Variants in TM2D1 observed in about 807,000 individuals in gnomAD.
TM2D1 encodes TM2 domain containing 1.
Under a neutral mutation model 28.4 loss-of-function variants are expected in TM2D1, and 15 were observed. The ratio of observed to expected loss-of-function variants is 0.53; its 90% CI spans 0.35 to 0.81. The LOEUF is 0.81. Among genes scored for constraint, TM2D1 ranks in the 40% least tolerant of loss-of-function variants. TM2D1 has a pLI of 0.01. For missense variants in TM2D1, 236 were observed against 254.9 expected (o/e 0.93, Z 0.50); for synonymous variants, 93 against 96.2 (o/e 0.97, Z 0.20).
At chr1:61,700,113 C>A in intron 4 of TM2D1, 1 of 1,455,800 alleles carries the variant, frequency 6.9e-7, no homozygotes, top group South Asian at 1.5e-5. Context: ...AATTTGGGTT[C>A]AAATTGAGGT....
Position 61,725,134 on chromosome 1 carries a change from A to G in TM2D1, c.-14T>C. ...GGCGGCCGCCATCTTGGAGACCGAC[A>G]CTTTCTCGCCACTTCCGCTTCCGCC... On this transcript the variant is annotated 5_prime_UTR_variant, in exon 1 of 7. Transcript: ENST00000606498. The G allele has an allele frequency of 6.2e-7, 1 of 1,613,372 alleles. No individual in the cohort carries two copies. Among genetic ancestry groups the G allele is most frequent in the East Asian group, 2.2e-5 (1 of 44,872 alleles).
chr1:61,698,034 A>G (rs1032099224), intron 4 of TM2D1: 4 of 152,176 alleles, frequency 2.6e-5, no homozygotes, highest in African/African-American at 9.7e-5. Flanking sequence ...GTGTTATTAC[A>G]TTACTTTCCC....
intron 1 of TM2D1, 83 bp from the exon 2 acceptor site, chr1:61,723,869 T>C (rs17312971): frequency 0.19 from 116,531 of 602,364 alleles, 12,854 homozygotes; most frequent in Non-Finnish European, 0.24. Flanking sequence ...TATATACTCA[T>C]GTTGATATTC....
chr1:61,723,706 G>T lies in TM2D1; in HGVS notation c.238+7C>A, dbSNP rs201857730. ...TATTTTTAAAGACATGTTTCTTGAA[G>T]TCTTACCATGAGCTGTGTAGTTTGT... On this transcript the variant is annotated splice_region_variant and intron_variant, in intron 2 of 6. Coordinates refer to ENST00000606498, the MANE Select transcript of TM2D1 (RefSeq NM_032027.3). 6.9e-7 allele frequency: 1 copy of T among 1,456,162 alleles called. No homozygotes were observed. The highest frequency in any genetic ancestry group is 9.3e-7 in the Non-Finnish European group (1 of 1,076,240). The allele number at this position is 1,456,162 out of a possible 1,614,324, so 90.2% of individuals were successfully genotyped here.
intron 1 of TM2D1, 116 bp downstream of exon 1, chr1:61,724,841 C>T: frequency 8.6e-7 from 1 of 1,166,550 alleles, no homozygotes; most frequent in East Asian, 2.6e-5. Context: ...TTAGAAGCCA[C>T]AGATCAGATT....
intron 5 of TM2D1, among the ~76,000 whole-genome samples, chr1:61,692,840 T>C (rs546325011): frequency 6.6e-6 from 1 of 152,120 alleles, no homozygotes; most frequent in East Asian, 1.9e-4. Context: ...ATCATATCTG[T>C]GAAAATGTCT....
rs745758931 is a variant in TM2D1 at position 61,725,136 on chromosome 1, T to C, written c.-16A>G. Reference sequence around the variant, plus strand: ...CGGCCGCCATCTTGGAGACCGACACTTTCTCGCCACTTCCGCTTCCGCCTC... The same window carrying C: ...CGGCCGCCATCTTGGAGACCGACACCTTCTCGCCACTTCCGCTTCCGCCTC... On this transcript the variant is annotated 5_prime_UTR_variant, in exon 1 of 7. Coordinates refer to ENST00000606498, the MANE Select transcript of TM2D1 (RefSeq NM_032027.3). The C allele has an allele frequency of 6.2e-7, 1 of 1,613,206 alleles. No homozygotes were observed. Among genetic ancestry groups the C allele is most frequent in the Non-Finnish European group, 8.5e-7 (1 of 1,179,724 alleles).
At chr1:61,700,299 T>C in intron 4 of TM2D1, 1 of 1,451,330 alleles carries the variant, frequency 6.9e-7, no homozygotes, top group Admixed American at 3.2e-5. Context: ...TTAAAGAGGA[T>C]GATAAACTCA....
chr1:61,701,310 C>CAAAAAAAAAAAAAAAAAAAAAAAAAA (rs10587870), intron 3 of TM2D1, among the ~76,000 whole-genome samples: 2 of 84,042 alleles, frequency 2.4e-5, no homozygotes, highest in African/African-American at 4.3e-5. Flanking sequence ...TAAATGTTAA[C>CAAAAAAAAAAAAAAAAAAAAAAAAAA]AAAAAAAAAA....
At chr1:61,691,892 G>A (rs1644327413) in intron 5 of TM2D1, among the ~76,000 whole-genome samples, 1 of 127,546 alleles carries the variant, frequency 7.8e-6, no homozygotes, top group Non-Finnish European at 1.7e-5. Context: ...TCCAGCCTGG[G>A]CGACGAAAAC....
chr1:61,712,866 A>G (rs547470919), intron 2 of TM2D1, among the ~76,000 whole-genome samples: 9 of 152,304 alleles, frequency 5.9e-5, no homozygotes, highest in African/African-American at 2.2e-4. Flanking sequence ...CATCAATTTT[A>G]GGAAAGAGTG....
chr1:61,718,961 A>G (rs1644541379), intron 2 of TM2D1, among the ~76,000 whole-genome samples: 1 of 152,264 alleles, frequency 6.6e-6, no homozygotes, highest in African/African-American at 2.4e-5. Flanking sequence ...ATTTGATAAA[A>G]TAAGAATATG....
chr1:61,706,636 C>A (rs541328949), intron 3 of TM2D1, among the ~76,000 whole-genome samples: 5,675 of 151,882 alleles, frequency 0.037, 304 homozygotes, highest in African/African-American at 0.12. Flanking sequence ...TGGAGAAACC[C>A]CGTCTCTACT....
rs747982801 is a variant in TM2D1, at chr1:61,700,998, G to A, written c.375C>T (p.Val125=). 9 of 1,608,258 alleles carry A rather than the reference G, an allele frequency of 5.6e-6. No homozygotes were observed. Among genetic ancestry groups the A allele is most frequent in the Admixed American group, 3.4e-5 (2 of 59,422 alleles). ...NVNGYSYKVA[V]ALSLFLGWLG... is the part of the protein sequence containing the mutation. ...ACCATCCAAGAAAAAGAGACAATGC[G>A]ACTGCCACTTTGTAGGAATAGCCAT... The change falls in exon 4 of 7, where the codon GTC becomes GTT. Residue 125 remains valine, a synonymous_variant. Coordinates refer to ENST00000606498, the MANE Select transcript of TM2D1 (RefSeq NM_032027.3).
chr1:61,712,386 T>C (rs1268454208), intron 2 of TM2D1, among the ~76,000 whole-genome samples: 1 of 152,174 alleles, frequency 6.6e-6, no homozygotes, highest in Non-Finnish European at 1.5e-5. Flanking sequence ...TGAATTTAAA[T>C]GGTTGGAAAA....
At chr1:61,690,032 C>T (rs1053278301) in intron 5 of TM2D1, among the ~76,000 whole-genome samples, 2 of 152,168 alleles carry the variant, frequency 1.3e-5, no homozygotes, top group African/African-American at 4.8e-5. Flanking sequence ...CCCTTTACAC[C>T]ATGTGGGCAC....
chr1:61,719,319 G>C (rs1207667959), intron 2 of TM2D1, among the ~76,000 whole-genome samples: 2 of 151,922 alleles, frequency 1.3e-5, no homozygotes, highest in African/African-American at 4.8e-5. Flanking sequence ...CAAAGTGCTG[G>C]GATTACAGGC....
intron 3 of TM2D1, among the ~76,000 whole-genome samples, chr1:61,701,537 C>T (rs1440699412): frequency 1.4e-5 from 2 of 145,116 alleles, no homozygotes; most frequent in East Asian, 2.0e-4. Flanking sequence ...AAGTAAGATC[C>T]CTGCTCATAA....
intron 2 of TM2D1, among the ~76,000 whole-genome samples, chr1:61,720,619 G>A (rs186170353): frequency 3.4e-4 from 51 of 152,060 alleles, no homozygotes; most frequent in African/African-American, 1.1e-3. Flanking sequence ...TGCCTGCCAC[G>A]TAATAATTTC....
Sources: allele counts gnomAD v4.1 joint callset (sites outside exome capture counted in the v4.1 genomes callset), GRCh38; gene constraint gnomAD v4.1.1; transcripts MANE v1.5; gene names NCBI Gene and HGNC (gene_info 2026-07-23, HGNC 2026-07-21).